Variants in PTPRS observed in about 807,000 individuals in gnomAD.
PTPRS encodes the protein receptor-type tyrosine-protein phosphatase S.
PTPRS carries 63 observed loss-of-function variants against 215.3 expected under a neutral mutation model. The observed-to-expected ratio is 0.29, with a 90% CI of 0.24 to 0.36. The LOEUF is 0.36. PTPRS is among the 10% of genes least tolerant of loss of function. PTPRS has a pLI of 1.00. For synonymous variants in PTPRS, 1,404 were observed against 1,191.4 expected, an observed-to-expected ratio of 1.18 and a Z score of -3.68; for missense variants, 2,258 against 2,825.8, an observed-to-expected ratio of 0.80 and a Z score of 4.56.
intron 4 of PTPRS, among the ~76,000 whole-genome samples, chr19:5,265,932 T>C (rs766170171): frequency 2.0e-5 from 3 of 152,112 alleles, no homozygotes; most frequent in East Asian, 3.8e-4. Flanking sequence ...CCTTTCTTTT[T>C]ATCTTTTAAA....
chr19:5,294,023 C>G lies in PTPRS; in HGVS notation c.-94-7789G>C, dbSNP rs1244129544. On this transcript the variant is annotated intron_variant, in intron 1 of 37. Transcript: ENST00000262963. This position sits in a 1 kb window ranked among gnomAD's most constrained non-coding sequence, Gnocchi z 5.1. ...GGGTTTGAAAACTCCACCGGAGGGG[C>G]CCGGAATGTAGAAGCCCAGCGGGAC... Among the ~76,000 whole-genome samples, 1 of 152,162 alleles carries G rather than the reference C, an allele frequency of 6.6e-6. No individual in the cohort carries two copies. The highest frequency in any genetic ancestry group is 1.5e-5 in the Non-Finnish European group (1 of 68,022).
chr19:5,230,413 TC>T (rs1472713065), intron 14 of PTPRS, among the ~76,000 whole-genome samples: 1 of 152,136 alleles, frequency 6.6e-6, no homozygotes, highest in Non-Finnish European at 1.5e-5. Context: ...TCCTCCCACC[TC>T]AGCCTCCCAA....
At chr19:5,207,361 A>G (rs1160808234) in intron 37 of PTPRS, among the ~76,000 whole-genome samples, 4 of 152,224 alleles carry the variant, frequency 2.6e-5, no homozygotes, top group African/African-American at 9.6e-5. Flanking sequence ...CTGGGATTAC[A>G]GGCATAAGCC....
intron 6 of PTPRS, among the ~76,000 whole-genome samples, chr19:5,262,497 G>A (rs2046080071): frequency 1.3e-5 from 2 of 152,172 alleles, no homozygotes. Context: ...TGGATGAGAA[G>A]TGCCCAGTAG....
intron 1 of PTPRS, among the ~76,000 whole-genome samples, chr19:5,309,714 CTACCCT>C (rs1000635051): frequency 6.6e-6 from 1 of 152,160 alleles, no homozygotes; most frequent in African/African-American, 2.4e-5. Context: ...CATCTCAACC[CTACCCT>C]GCAGCCAACC....
intron 23 of PTPRS, chr19:5,219,077 G>C: frequency 1.5e-6 from 1 of 655,046 alleles, no homozygotes; most frequent in Non-Finnish European, 2.6e-6. Flanking sequence ...AAATCTTGCT[G>C]AGTTGAAGAT....
chr19:5,231,278 C>T (rs375353468), intron 14 of PTPRS, 32 bp downstream of exon 14: 90 of 1,566,866 alleles, frequency 5.7e-5, no homozygotes, highest in African/African-American at 5.2e-4. Flanking sequence ...CTGGGGCCTG[C>T]GGGGGGTCCC....
At chr19:5,340,269 G>GCA (rs1349176758) in intron 1 of PTPRS, among the ~76,000 whole-genome samples, 34 of 150,268 alleles carry the variant, frequency 2.3e-4, no homozygotes, top group African/African-American at 8.0e-4. Context: ...CACCGGCTCC[G>GCA]CACACACGCG....
chr19:5,308,280 T>C (rs192179361), intron 1 of PTPRS, among the ~76,000 whole-genome samples: 1 of 152,210 alleles, frequency 6.6e-6, no homozygotes, highest in East Asian at 1.9e-4. Flanking sequence ...AATGGATGGG[T>C]GAGAAATGAT....
intron 4 of PTPRS, among the ~76,000 whole-genome samples, chr19:5,271,818 G>A (rs1207701428): frequency 6.6e-6 from 1 of 151,784 alleles, no homozygotes; most frequent in Non-Finnish European, 1.5e-5. Flanking sequence ...TCCGCCTCTT[G>A]GGTTCAAGCA....
chr19:5,241,089 C>T (rs1304649682), intron 11 of PTPRS, among the ~76,000 whole-genome samples: 1 of 151,108 alleles, frequency 6.6e-6, no homozygotes, highest in African/African-American at 2.4e-5. Flanking sequence ...GGGATTTCAC[C>T]AATTGGCCAG....
chr19:5,334,453 C>A (rs1391781344), intron 1 of PTPRS, among the ~76,000 whole-genome samples: 1 of 152,236 alleles, frequency 6.6e-6, no homozygotes, highest in Non-Finnish European at 1.5e-5. Flanking sequence ...CACTGTTACT[C>A]TTCTCCATAG....
intron 11 of PTPRS, among the ~76,000 whole-genome samples, chr19:5,241,671 A>G (rs1190831347): frequency 6.6e-6 from 1 of 151,964 alleles, no homozygotes; most frequent in South Asian, 2.1e-4. Flanking sequence ...CCTTTGCTTC[A>G]GTGGGTGCCT....
At chr19:5,222,321 G>T in intron 18 of PTPRS, 101 bp from the exon 19 acceptor site, 1 of 973,432 alleles carries the variant, frequency 1.0e-6, no homozygotes, top group Non-Finnish European at 1.6e-6. Context: ...CGGCCCAGGC[G>T]CTCCCTGTCG....
intron 17 of PTPRS, among the ~76,000 whole-genome samples, chr19:5,224,494 C>T (rs747007674): frequency 8.5e-5 from 13 of 152,154 alleles, no homozygotes; most frequent in South Asian, 4.1e-4. Context: ...CTCTTTGTTT[C>T]GCACAGCCTG....
At chr19:5,332,899 G>A (rs1358179893) in intron 1 of PTPRS, among the ~76,000 whole-genome samples, 9 of 152,114 alleles carry the variant, frequency 5.9e-5, no homozygotes, top group Admixed American at 1.3e-4. Flanking sequence ...CTGTAATCCC[G>A]GCACTTTGGG....
At chr19:5,216,690 A>T (rs1000020878) in intron 26 of PTPRS, 30 bp downstream of exon 26, 2 of 1,515,734 alleles carry the variant, frequency 1.3e-6, no homozygotes, top group African/African-American at 2.8e-5. Context: ...CGGGGGCGAA[A>T]GGAAGCCAAA....
At chr19:5,323,926 A>G (rs2050100012) in intron 1 of PTPRS, among the ~76,000 whole-genome samples, 1 of 152,154 alleles carries the variant, frequency 6.6e-6, no homozygotes, top group African/African-American at 2.4e-5. Flanking sequence ...GGCAGAGGAT[A>G]GAACAAAAAT....
In PTPRS at chr19:5,243,863, C is replaced by A. The variant is rs1025447758; in HGVS notation, c.1570+38G>T. 10 of 1,434,788 alleles carry A rather than the reference C, an allele frequency of 7.0e-6. No individual in the cohort carries two copies. The South Asian group carries it at 7.2e-5, about 10-fold the overall frequency. 88.9% of individuals were successfully genotyped at this position (1,434,788 alleles called of 1,614,324 possible). ...GGAGCATGCAAAGAACCAAGCCGCACGGCCGGGGCCCCGAGTCCTGCCGAC... is the reference window on the plus strand; with the variant it reads ...GGAGCATGCAAAGAACCAAGCCGCAAGGCCGGGGCCCCGAGTCCTGCCGAC... On this transcript the variant is annotated intron_variant, in intron 11 of 37. Transcript: ENST00000262963.
Sources: gnomAD v4.1 joint callset for allele counts (sites outside exome capture counted in the v4.1 genomes callset) on GRCh38, gnomAD v4.1.1 for gene constraint, Gnocchi (gnomAD v3.1) non-coding constraint, MANE v1.5 for transcripts, NCBI Gene and HGNC (gene_info 2026-07-23, HGNC 2026-07-21) for gene names.